The following ARHGAP17 variants were observed in gnomAD, a reference collection of about 807,000 sequenced individuals.
The protein encoded by ARHGAP17 is rho GTPase-activating protein 17.
Under a neutral mutation model 99.5 loss-of-function variants are expected in ARHGAP17, and 57 were observed. That is an observed-to-expected ratio of 0.57 (90% CI 0.46 to 0.71). ARHGAP17 has a LOEUF of 0.71. Ranked by LOEUF, ARHGAP17 falls within the 30% of genes least tolerant of loss-of-function variation. The pLI is 0.00. For synonymous variants in ARHGAP17, 417 were observed against 429.6 expected, an observed-to-expected ratio of 0.97 and a Z score of 0.36; for missense variants, 1,000 against 1,122.4, an observed-to-expected ratio of 0.89 and a Z score of 1.56.
At chr16:24,976,374 T>C (rs1481172851) in intron 3 of ARHGAP17, among the ~76,000 whole-genome samples, 2 of 151,840 alleles carry the variant, frequency 1.3e-5, no homozygotes, top group Non-Finnish European at 2.9e-5. Context: ...CAAAAAAATT[T>C]AAAAAATTAG....
chr16:24,947,415 T>G, intron 14 of ARHGAP17, 67 bp downstream of exon 14: 2 of 1,372,710 alleles, frequency 1.5e-6, no homozygotes, highest in South Asian at 2.4e-5. Context: ...TAACCTGAGT[T>G]ACATTTCTAT....
At chr16:24,993,037 G>A (rs772543669) in intron 1 of ARHGAP17, among the ~76,000 whole-genome samples, 7 of 152,144 alleles carry the variant, frequency 4.6e-5, no homozygotes, top group African/African-American at 1.7e-4. Context: ...CTCGCCGCAA[G>A]TGATCCTCCT....
rs1477969026 is a variant in ARHGAP17, at chr16:24,977,240, T to C, written c.173A>G (p.His58Arg). Reference sequence around the variant, plus strand: ...GTGTCTCCTCTCGGCATCGGTGCCATGCTGGCCCTGGAAACATGCCACCAA... The same window carrying C: ...GTGTCTCCTCTCGGCATCGGTGCCACGCTGGCCCTGGAAACATGCCACCAA... ...KRLVACFQGQ[H>R]GTDAERRHKK... The change falls in exon 3 of 20, where the codon CAT (histidine) becomes CGT (arginine). Residue 58 changes from histidine to arginine, a missense_variant. Transcript: ENST00000289968. 1 of 1,593,516 alleles carries C rather than the reference T, an allele frequency of 6.3e-7. No individual in the cohort carries two copies. Among genetic ancestry groups the C allele is most frequent in the Non-Finnish European group, 8.6e-7 (1 of 1,165,648 alleles).
At chr16:24,979,510 T>A (rs1475838458) in intron 1 of ARHGAP17, among the ~76,000 whole-genome samples, 1 of 152,086 alleles carries the variant, frequency 6.6e-6, no homozygotes, top group Non-Finnish European at 1.5e-5. Context: ...ACAATAACAA[T>A]TAGTTCCTCC....
intron 1 of ARHGAP17, among the ~76,000 whole-genome samples, chr16:25,000,189 G>C (rs1033371490): frequency 6.6e-6 from 1 of 152,138 alleles, no homozygotes; most frequent in African/African-American, 2.4e-5. Flanking sequence ...TAAAAGTTTT[G>C]AAAACTGAAT....
At chr16:24,943,683 G>T in intron 15 of ARHGAP17, 88 bp downstream of exon 15, 1 of 1,132,400 alleles carries the variant, frequency 8.8e-7, no homozygotes. Context: ...TAATCATGAA[G>T]AAGGATTACA....
intron 18 of ARHGAP17, among the ~76,000 whole-genome samples, chr16:24,934,528 A>G (rs2051082012): frequency 6.6e-6 from 1 of 151,376 alleles, no homozygotes; most frequent in Non-Finnish European, 1.5e-5. Flanking sequence ...ATCATAGCTC[A>G]CTGCAGGCTC....
At chr16:24,977,079 G>A in intron 3 of ARHGAP17, 136 bp downstream of exon 3, 1 of 514,940 alleles carries the variant, frequency 1.9e-6, no homozygotes, top group Non-Finnish European at 3.2e-6. Flanking sequence ...TCACGCAGGT[G>A]TCATGAGCGT....
intron 1 of ARHGAP17, among the ~76,000 whole-genome samples, chr16:25,002,940 G>A (rs1323125756): frequency 6.8e-6 from 1 of 148,006 alleles, no homozygotes; most frequent in Non-Finnish European, 1.5e-5. Flanking sequence ...TCGGGAGGCT[G>A]AAGCAGGAGA....
At chr16:24,939,625 C>T (rs2051255644) in intron 16 of ARHGAP17, 28 bp from the exon 17 acceptor site, 1 of 1,573,478 alleles carries the variant, frequency 6.4e-7, no homozygotes, top group Non-Finnish European at 8.6e-7. Flanking sequence ...ACAGTCAACA[C>T]ACCATGCGAG....
intron 6 of ARHGAP17, among the ~76,000 whole-genome samples, chr16:24,967,400 G>A (rs1267618369): frequency 1.3e-5 from 2 of 152,222 alleles, no homozygotes; most frequent in Non-Finnish European, 2.9e-5. Flanking sequence ...GCCCTTTACA[G>A]AAGAGGTTTG....
At chr16:25,005,731 C>G (rs144753087) in intron 1 of ARHGAP17, among the ~76,000 whole-genome samples, 5 of 152,196 alleles carry the variant, frequency 3.3e-5, no homozygotes, top group Non-Finnish European at 5.9e-5. Flanking sequence ...TAAAGAAATA[C>G]AAATGTAAGA....
At chr16:25,000,124 T>C (rs2141475803) in intron 1 of ARHGAP17, among the ~76,000 whole-genome samples, 1 of 152,288 alleles carries the variant, frequency 6.6e-6, no homozygotes, top group South Asian at 2.1e-4. Context: ...TCCAATACAC[T>C]TTTTACTACA....
rs142714121 is a variant in ARHGAP17 at position 24,954,609 on chromosome 16, C to G, written c.846G>C (p.Lys282Asn). 1.2e-6 allele frequency: 2 copies of G among 1,613,542 alleles called. No homozygotes were observed. The highest frequency in any genetic ancestry group is 2.7e-5 in the African/African-American group (2 of 75,034). Residue 282 changes from lysine to asparagine, a missense_variant, in exon 10 of 20, where the codon AAG (lysine) becomes AAC (asparagine). Physicochemically the swap from Lys to Asn is moderately conservative, Grantham distance 94. This residue lies in a region of ARHGAP17 where 472 missense variants were observed against 611.1 expected (regional missense o/e 0.77). Coordinates refer to ENST00000289968, the MANE Select transcript of ARHGAP17 (RefSeq NM_001006634.3). Reference sequence around the variant, plus strand: ...ATCACGAAGCTCCCCTCACCTCCTCCTTCATGCCTGTCTCCAGAAGCAGCA... The same window carrying G: ...ATCACGAAGCTCCCCTCACCTCCTCGTTCATGCCTGTCTCCAGAAGCAGCA... ...CVMLLLETGM[K>N]EEGLFRIGAG...
intron 1 of ARHGAP17, among the ~76,000 whole-genome samples, chr16:24,983,981 G>A (rs61157552): frequency 0.023 from 3,570 of 152,292 alleles, 119 homozygotes; most frequent in African/African-American, 0.079. Flanking sequence ...ACCCTGCAGT[G>A]TGGCTAATAG....
chr16:24,979,053 G>A, intron 1 of ARHGAP17, 48 bp from the exon 2 acceptor site: 1 of 1,318,650 alleles, frequency 7.6e-7, no homozygotes, highest in Non-Finnish European at 1.1e-6. Context: ...AAAATGAAAG[G>A]CAACTCCTAA....
chr16:24,959,010 G>GAA (rs76133335), intron 9 of ARHGAP17, among the ~76,000 whole-genome samples: 4 of 141,056 alleles, frequency 2.8e-5, no homozygotes, highest in East Asian at 2.0e-4. Context: ...TTTAGGGAGA[G>GAA]AAAAAAAAAA....
chr16:24,943,582 AAATAC>A (rs1225036504), intron 15 of ARHGAP17, among the ~76,000 whole-genome samples, 184 bp downstream of exon 15: 3 of 152,246 alleles, frequency 2.0e-5, no homozygotes, highest in African/African-American at 4.8e-5. Flanking sequence ...AAACTAAGTG[AAATAC>A]AATACAATAT....
chr16:24,998,727 C>T (rs184609646), intron 1 of ARHGAP17, among the ~76,000 whole-genome samples: 30 of 152,260 alleles, frequency 2.0e-4, no homozygotes, highest in Middle Eastern at 3.4e-3. Flanking sequence ...TTCTGGGCCA[C>T]GCCCCGAATC....
Sources: gnomAD v4.1 joint callset for allele counts (sites outside exome capture counted in the v4.1 genomes callset) on GRCh38, gnomAD v4.1.1 for gene constraint, gnomAD v4.1.1 regional missense constraint, MANE v1.5 for transcripts, NCBI Gene and HGNC (gene_info 2026-07-23, HGNC 2026-07-21) for gene names.